Variants in SGCD observed in about 807,000 individuals in gnomAD.
SGCD encodes delta-sarcoglycan.
In SGCD, 18 loss-of-function variants were observed where a neutral mutation model predicts 36.6. The ratio of observed to expected loss-of-function variants is 0.49; its 90% CI spans 0.34 to 0.73. The LOEUF (loss-of-function observed/expected upper bound fraction) is 0.73. SGCD is among the 30% of genes least tolerant of loss of function. The pLI is 0.01. For missense variants in SGCD, 387 were observed against 346.7 expected (o/e 1.12, Z -0.92); for synonymous variants, 133 against 130.6 (o/e 1.02, Z -0.12).
chr5:155,915,215 C>G (rs1756711426), intron 1 of SGCD, among the ~76,000 whole-genome samples: 1 of 152,144 alleles, frequency 6.6e-6, no homozygotes. Context: ...TTTTTCCTGA[C>G]AGCCCCAACC....
intron 7 of SGCD, among the ~76,000 whole-genome samples, chr5:156,687,810 G>C (rs962209907): frequency 5.3e-5 from 8 of 152,166 alleles, no homozygotes; most frequent in East Asian, 1.9e-4. Flanking sequence ...CTCCCAAGCT[G>C]ATCACCATGT....
chr5:156,361,507 A>T (rs1769793223), intron 3 of SGCD, among the ~76,000 whole-genome samples: 2 of 152,200 alleles, frequency 1.3e-5, no homozygotes, highest in Non-Finnish European at 2.9e-5. Context: ...GATAACCAGA[A>T]AGTAGAGTAT....
At chr5:156,517,089 AC>A (rs1757208792) in intron 4 of SGCD, among the ~76,000 whole-genome samples, 1 of 152,166 alleles carries the variant, frequency 6.6e-6, no homozygotes, top group Non-Finnish European at 1.5e-5. Flanking sequence ...GAAGCTAAGA[AC>A]CATGATAAAA....
At chr5:156,111,844 T>G (rs1272397657) in intron 1 of SGCD, among the ~76,000 whole-genome samples, 10 of 151,988 alleles carry the variant, frequency 6.6e-5, no homozygotes, top group Non-Finnish European at 1.2e-4. Flanking sequence ...AGTGGCGTGA[T>G]CTCGGCTCAC....
intron 3 of SGCD, among the ~76,000 whole-genome samples, chr5:156,239,156 T>C (rs890735078): frequency 1.3e-5 from 2 of 151,986 alleles, no homozygotes; most frequent in African/African-American, 4.8e-5. Context: ...TCCCAGCACT[T>C]TGGGAGGCCG....
intron 3 of SGCD, among the ~76,000 whole-genome samples, chr5:156,290,310 T>C (rs112309359): frequency 5.3e-5 from 8 of 152,286 alleles, no homozygotes; most frequent in African/African-American, 1.9e-4. Flanking sequence ...TCTCAACTAC[T>C]GTGCTAACCA....
the SGCD span, among the ~76,000 whole-genome samples, chr5:155,817,696 C>G: frequency 6.6e-6 from 1 of 151,914 alleles, no homozygotes. Flanking sequence ...AAGAACAAAC[C>G]AGGAGAATTT....
chr5:156,102,500 G>A (rs1036387338), intron 1 of SGCD, among the ~76,000 whole-genome samples: 4 of 152,000 alleles, frequency 2.6e-5, no homozygotes, highest in East Asian at 1.9e-4. Flanking sequence ...AATGTCTGTC[G>A]TCCAAATGTC....
At chr5:156,188,432 G>C (rs1213113777) in intron 3 of SGCD, among the ~76,000 whole-genome samples, 1 of 152,128 alleles carries the variant, frequency 6.6e-6, no homozygotes, top group Non-Finnish European at 1.5e-5. Flanking sequence ...TTTTAAAGGA[G>C]GTCTCAGGCT....
intron 3 of SGCD, among the ~76,000 whole-genome samples, chr5:156,506,749 G>A (rs1245374338): frequency 1.3e-5 from 2 of 152,170 alleles, no homozygotes; most frequent in Non-Finnish European, 2.9e-5. Flanking sequence ...TGGTTTGGAA[G>A]ATACTAGGTG....
intron 4 of SGCD, among the ~76,000 whole-genome samples, chr5:156,570,218 C>G (rs920798493): frequency 1.3e-5 from 2 of 152,056 alleles, no homozygotes; most frequent in Non-Finnish European, 2.9e-5. Context: ...CTGTGTGGCA[C>G]TGTTGTTTGG....
chr5:156,588,746 A>C (rs1760595678), intron 4 of SGCD, among the ~76,000 whole-genome samples: 1 of 152,208 alleles, frequency 6.6e-6, no homozygotes, highest in Admixed American at 6.5e-5. Context: ...TCTACAAAGG[A>C]TTCTTATAGT....
chr5:156,317,895 C>T (rs895509282), intron 3 of SGCD, among the ~76,000 whole-genome samples: 1 of 152,156 alleles, frequency 6.6e-6, no homozygotes, highest in Non-Finnish European at 1.5e-5. Context: ...ATAAATGTGA[C>T]AAATGGCATG....
intron 3 of SGCD, among the ~76,000 whole-genome samples, chr5:156,292,327 T>C (rs987330179): frequency 1.3e-5 from 2 of 152,144 alleles, no homozygotes; most frequent in African/African-American, 4.8e-5. Flanking sequence ...TTTTTATCGC[T>C]ATAATTTTGA....
At chr5:155,880,185 A>G (rs1755852859) in intron 1 of SGCD, among the ~76,000 whole-genome samples, 1 of 152,142 alleles carries the variant, frequency 6.6e-6, no homozygotes, top group African/African-American at 2.4e-5. Context: ...TTGTACCTTT[A>G]AAGTGAGAAT....
chr5:156,144,088 T>A (rs1166818936), intron 3 of SGCD, among the ~76,000 whole-genome samples: 1 of 152,120 alleles, frequency 6.6e-6, no homozygotes, highest in Non-Finnish European at 1.5e-5. Flanking sequence ...TATGGCTGCA[T>A]GGTATTCCAT....
Position 155,986,166 on chromosome 5 carries a change from T to C in SGCD, c.-282+115742T>C, listed in dbSNP as rs1758325234. On this transcript the variant is annotated intron_variant, in intron 1 of 9. Transcript: ENST00000517913. ...CCTATGACCAAATATTTGAAAACAT[T>C]TTATTGGTAATTATGTTTAGTTCAG... Among the ~76,000 whole-genome samples, 3 of 152,230 alleles carry C rather than the reference T, an allele frequency of 2.0e-5. 1 individual carries two copies. The South Asian group carries it at 6.2e-4, about 32-fold the overall frequency.
chr5:156,326,640 T>A (rs1447739715), upstream of SGCD: 1 of 151,582 alleles, frequency 6.6e-6, no homozygotes, highest in East Asian at 2.2e-4. Context: ...AATTTACATC[T>A]CTCAGCTGTA....
At chr5:156,291,044 G>A (rs948789996) in intron 3 of SGCD, among the ~76,000 whole-genome samples, 22 of 152,078 alleles carry the variant, frequency 1.4e-4, no homozygotes, top group African/African-American at 4.3e-4. Context: ...ACATCCACAC[G>A]TTCTGCATCT....
Sources: allele counts gnomAD v4.1 joint callset (sites outside exome capture counted in the v4.1 genomes callset), GRCh38; gene constraint gnomAD v4.1.1; transcripts MANE v1.5; gene names NCBI Gene and HGNC (gene_info 2026-07-23, HGNC 2026-07-21).